The following LRRN1 variants were observed in gnomAD, a reference collection of about 807,000 sequenced individuals.
LRRN1 encodes leucine rich repeat neuronal 1, also known as leucine-rich repeat neuronal protein 1.
In LRRN1, 14 loss-of-function variants were observed where a neutral mutation model predicts 45.8. The ratio of observed to expected loss-of-function variants is 0.31; its 90% CI spans 0.20 to 0.48. The LOEUF (loss-of-function observed/expected upper bound fraction) is 0.48, where lower values mean the gene tolerates loss of function less well. Among genes scored for constraint, LRRN1 ranks in the 20% least tolerant of loss-of-function variants. The pLI is 0.99. For missense variants in LRRN1, 789 were observed against 874.2 expected (o/e 0.90, Z 1.23); for synonymous variants, 359 against 330.1 (o/e 1.09, Z -0.95).
At chr3:3,843,342 A>G (rs1448423123) in intron 1 of LRRN1, among the ~76,000 whole-genome samples, 3 of 152,234 alleles carry the variant, frequency 2.0e-5, no homozygotes, top group South Asian at 2.1e-4. Flanking sequence ...ATGGAGACCA[A>G]TGGTATGACA....
At chr3:3,812,655 G>A (rs1333359973) in intron 1 of LRRN1, among the ~76,000 whole-genome samples, 5 of 152,188 alleles carry the variant, frequency 3.3e-5, no homozygotes, top group East Asian at 1.9e-4. Context: ...GGGAAATTGT[G>A]TGAGTAATTC....
intron 1 of LRRN1, among the ~76,000 whole-genome samples, chr3:3,830,342 T>C (rs576059611): frequency 1.3e-5 from 2 of 152,342 alleles, no homozygotes; most frequent in East Asian, 1.9e-4. Flanking sequence ...AGCCAAACCA[T>C]TGGCTACAGC....
chr3:3,829,239 C>A (rs1460253889), intron 1 of LRRN1, among the ~76,000 whole-genome samples: 1 of 152,132 alleles, frequency 6.6e-6, no homozygotes, highest in Non-Finnish European at 1.5e-5. Flanking sequence ...AAAACTGTAA[C>A]TCCCTTCTTA....
intron 1 of LRRN1, among the ~76,000 whole-genome samples, chr3:3,824,522 G>C (rs1693174269): frequency 9.1e-6 from 1 of 110,030 alleles, no homozygotes; most frequent in Non-Finnish European, 2.5e-5. Flanking sequence ...AGTGAACATT[G>C]TTCGGCTGAC....
intron 1 of LRRN1, among the ~76,000 whole-genome samples, chr3:3,818,246 T>C (rs1160705073): frequency 6.6e-6 from 1 of 152,234 alleles, no homozygotes; most frequent in Non-Finnish European, 1.5e-5. Context: ...CATTTAATCA[T>C]GCAGCTAATT....
At chr3:3,801,148 C>G (rs902656219) in intron 1 of LRRN1, 2 of 152,284 alleles carry the variant, frequency 1.3e-5, no homozygotes, top group Admixed American at 6.5e-5. Flanking sequence ...GCGCCAAGAA[C>G]AGAGCCTGGC....
chr3:3,807,415 A>G (rs558151403), intron 1 of LRRN1, among the ~76,000 whole-genome samples: 23 of 152,220 alleles, frequency 1.5e-4, no homozygotes, highest in Non-Finnish European at 2.9e-4. Flanking sequence ...TCAGAGAATA[A>G]TGACCAGTGT....
chr3:3,811,466 G>A (rs1360897376), intron 1 of LRRN1, among the ~76,000 whole-genome samples: 5 of 152,174 alleles, frequency 3.3e-5, no homozygotes, highest in Admixed American at 6.5e-5. Flanking sequence ...ATATTCAGTC[G>A]TTGAAAGAGG....
chr3:3,828,091 A>G (rs1259515468), intron 1 of LRRN1, among the ~76,000 whole-genome samples: 1 of 150,756 alleles, frequency 6.6e-6, no homozygotes, highest in Non-Finnish European at 1.5e-5. Context: ...TATGTGCTGG[A>G]TATTTTCCCA....
At chr3:3,815,697 C>T (rs1692972792) in intron 1 of LRRN1, among the ~76,000 whole-genome samples, 1 of 152,146 alleles carries the variant, frequency 6.6e-6, no homozygotes, top group East Asian at 1.9e-4. Flanking sequence ...ACCATGTCTT[C>T]ATTATCCTCA....
chr3:3,843,998 C>T (rs1014856629), intron 1 of LRRN1, among the ~76,000 whole-genome samples: 14 of 152,188 alleles, frequency 9.2e-5, no homozygotes, highest in East Asian at 3.9e-4. Flanking sequence ...AAGACATCTG[C>T]AGGCTTTTTC....
chr3:3,845,469 C>T lies in LRRN1; in HGVS notation c.828C>T (p.His276=). Reference sequence around the variant, plus strand: ...TAGACCTCAACAAAAACCCCATTCACAAAATCCAAGAAGGGGACTTCAAAA... The same window carrying T: ...TAGACCTCAACAAAAACCCCATTCATAAAATCCAAGAAGGGGACTTCAAAA... The part of the protein sequence containing the change: ...KFLDLNKNPI[H]KIQEGDFKNM... The change falls in exon 2 of 2, where the codon CAC becomes CAT. Residue 276 remains histidine (H), a synonymous_variant. Coordinates refer to ENST00000319331, the MANE Select transcript of LRRN1 (RefSeq NM_020873.7). This position sits in a 1 kb window ranked among gnomAD's most constrained non-coding sequence, Gnocchi z 6.5. 6.2e-7 allele frequency: 1 copy of T among 1,614,082 alleles called. No homozygotes were observed. The highest frequency in any genetic ancestry group is 1.1e-5 in the South Asian group (1 of 91,070).
intron 1 of LRRN1, among the ~76,000 whole-genome samples, chr3:3,833,684 A>G (rs1234185236): frequency 2.0e-5 from 3 of 152,140 alleles, no homozygotes; most frequent in African/African-American, 7.2e-5. Flanking sequence ...TTGCCTGGCA[A>G]CTGCCTCAGG....
chr3:3,828,362 C>A, intron 1 of LRRN1, among the ~76,000 whole-genome samples: 1 of 151,750 alleles, frequency 6.6e-6, no homozygotes, highest in Non-Finnish European at 1.5e-5. Flanking sequence ...AGGCTAGACC[C>A]GTCTCTCTTT....
At chr3:3,808,966 C>T (rs564083582) in intron 1 of LRRN1, among the ~76,000 whole-genome samples, 4 of 152,210 alleles carry the variant, frequency 2.6e-5, no homozygotes, top group African/African-American at 7.2e-5. Context: ...ATTCTCCTAA[C>T]CCTTACCATC....
At position 3,839,612 on chromosome 3, in the gene LRRN1, C is replaced by T. The variant is rs111716777; in HGVS notation, c.-278-4752C>T. Reference sequence around the variant, plus strand: ...AATATTAAATTTTCCAGTCTATAAACATGGGATGTTTCATCATTGTGTTTA... The same window carrying T: ...AATATTAAATTTTCCAGTCTATAAATATGGGATGTTTCATCATTGTGTTTA... On this transcript the variant is annotated intron_variant, in intron 1 of 1. Coordinates refer to ENST00000319331, the MANE Select transcript of LRRN1 (RefSeq NM_020873.7). Among the ~76,000 whole-genome samples the T allele has an allele frequency of 8.2e-3, 1,255 of 152,136 alleles. 15 individuals are homozygous for T. The highest frequency in any genetic ancestry group is 0.029 in the African/African-American group (1,199 of 41,518).
rs1692996802 is a variant in LRRN1 at position 3,816,883 on chromosome 3, A to G, written c.-279+16964A>G. Among the ~76,000 whole-genome samples, 1 of 152,168 alleles carries G rather than the reference A, an allele frequency of 6.6e-6. No individual in the cohort carries two copies. The highest frequency in any genetic ancestry group is 2.4e-5 in the African/African-American group (1 of 41,434). ...GACTTTAACTTCAGCTGGTTCACTT[A>G]TAGCTGCGGGAATTGTGACATTACT... is the stretch of plus-strand genomic sequence containing the variant. On this transcript the variant is annotated intron_variant, in intron 1 of 1. Coordinates refer to ENST00000319331, the MANE Select transcript of LRRN1 (RefSeq NM_020873.7). This position sits in a 1 kb window ranked among gnomAD's most constrained non-coding sequence, Gnocchi z 4.0.
chr3:3,827,242 C>A, intron 1 of LRRN1: 1 of 223,926 alleles, frequency 4.5e-6, no homozygotes, highest in Non-Finnish European at 9.3e-6. Flanking sequence ...AATAACTTAC[C>A]CAAGGTCACA....
At chr3:3,838,071 CT>C (rs1693564147) in intron 1 of LRRN1, among the ~76,000 whole-genome samples, 1 of 152,034 alleles carries the variant, frequency 6.6e-6, no homozygotes, top group Admixed American at 6.6e-5. Context: ...GATCTTGTTT[CT>C]TTTTATAACT....
Sources: gnomAD v4.1 joint callset for allele counts (sites outside exome capture counted in the v4.1 genomes callset) on GRCh38, gnomAD v4.1.1 for gene constraint, Gnocchi (gnomAD v3.1) non-coding constraint, MANE v1.5 for transcripts, NCBI Gene and HGNC (gene_info 2026-07-23, HGNC 2026-07-21) for gene names.